The following ALDH18A1 variants were observed in gnomAD, a reference collection of about 807,000 sequenced individuals.
ALDH18A1 encodes the protein aldehyde dehydrogenase 18 family member A1.
Under a neutral mutation model 88.8 loss-of-function variants are expected in ALDH18A1, and 44 were observed. That is an observed-to-expected ratio of 0.50 (90% CI 0.39 to 0.64). The LOEUF is 0.64. Among genes scored for constraint, ALDH18A1 ranks in the 30% least tolerant of loss-of-function variants. The probability of loss-of-function intolerance (pLI) is 0.00; values close to 1 mark genes in which losing one functional copy is unlikely to be tolerated. For synonymous variants in ALDH18A1, 331 were observed against 372.1 expected (o/e 0.89, Z 1.27); for missense variants, 782 against 1,009.5 (o/e 0.77, Z 3.05).
At chr10:95,636,668 A>G (rs2097881280) in intron 5 of ALDH18A1, among the ~76,000 whole-genome samples, 1 of 152,236 alleles carries the variant, frequency 6.6e-6, no homozygotes, top group South Asian at 2.1e-4. Context: ...CTTAATAAAT[A>G]TCTGCTATAA....
At chr10:95,608,520 T>C (rs1218409880) in intron 17 of ALDH18A1, among the ~76,000 whole-genome samples, 1 of 152,250 alleles carries the variant, frequency 6.6e-6, no homozygotes, top group African/African-American at 2.4e-5. Context: ...TGTTTTGTTA[T>C]ACAGATAGGG....
chr10:95,613,787 C>A lies in ALDH18A1; in HGVS notation c.1878G>T (p.Arg626Ser). ...ETLLIHRDLL[R>S]TPLFDQIIDM... ...CAATGATCTGGTCAAATAATGGTGT[C>A]CTGAGCAGATCCCGGTGGATTAACA... Residue 626 changes from arginine to serine, a missense_variant, in exon 15 of 18, where the codon AGG becomes AGT. By Grantham distance (110) the Arg-to-Ser change is moderately radical. Around this residue, in one of 3 missense-constraint regions of ALDH18A1, gnomAD observed 556 missense variants for 654.5 expected, o/e 0.85. Coordinates refer to ENST00000371224, the MANE Select transcript of ALDH18A1 (RefSeq NM_002860.4). The A allele has an allele frequency of 6.2e-7, 1 of 1,614,098 alleles. No individual in the cohort carries two copies.
chr10:95,632,514 C>T (rs761456950), intron 7 of ALDH18A1, among the ~76,000 whole-genome samples: 36 of 152,160 alleles, frequency 2.4e-4, no homozygotes, highest in Non-Finnish European at 3.7e-4. Context: ...CAGGCGCATA[C>T]CACCATGTCC....
intron 2 of ALDH18A1, among the ~76,000 whole-genome samples, chr10:95,652,352 CT>C (rs1243394558): frequency 6.6e-6 from 1 of 152,156 alleles, no homozygotes. Context: ...TATAAGGGAC[CT>C]TTTTGTACTA....
intron 2 of ALDH18A1, among the ~76,000 whole-genome samples, chr10:95,647,329 C>T (rs1233586643): frequency 2.6e-5 from 4 of 152,154 alleles, no homozygotes; most frequent in Admixed American, 2.6e-4. Context: ...AAATTTCAAC[C>T]CCTTCACTTA....
chr10:95,623,457 G>T (rs564721592), intron 11 of ALDH18A1, among the ~76,000 whole-genome samples: 1 of 152,016 alleles, frequency 6.6e-6, no homozygotes, highest in African/African-American at 2.4e-5. Context: ...GCTCAGGCTG[G>T]AGTGCAGTAG....
intron 2 of ALDH18A1, among the ~76,000 whole-genome samples, chr10:95,645,307 A>C (rs769693065): frequency 2.0e-5 from 3 of 152,240 alleles, no homozygotes; most frequent in Non-Finnish European, 4.4e-5. Flanking sequence ...TAAAATTATC[A>C]TTCCAAGCCA....
At chr10:95,626,260 T>C (rs748179177) in intron 10 of ALDH18A1, among the ~76,000 whole-genome samples, 9 of 152,114 alleles carry the variant, frequency 5.9e-5, no homozygotes, top group African/African-American at 1.9e-4. Flanking sequence ...TCCTCACCAC[T>C]TCCAGCCTCA....
intron 12 of ALDH18A1, 117 bp from the exon 13 acceptor site, chr10:95,616,731 C>T (rs919064565): frequency 4.5e-6 from 6 of 1,344,786 alleles, no homozygotes; most frequent in Non-Finnish European, 6.2e-6. Context: ...TTTTAGAAGG[C>T]CTATGCTGTT....
At chr10:95,608,790 T>C (rs181224782) in intron 17 of ALDH18A1, among the ~76,000 whole-genome samples, 199 of 152,386 alleles carry the variant, frequency 1.3e-3, no homozygotes, top group Non-Finnish European at 1.8e-3. Flanking sequence ...TGTGAGCCAC[T>C]GCCCGTGGCC....
chr10:95,607,767 T>C (rs1343630499), intron 17 of ALDH18A1, among the ~76,000 whole-genome samples: 27 of 151,912 alleles, frequency 1.8e-4, no homozygotes, highest in Admixed American at 1.8e-3. Flanking sequence ...GGTAGGATGG[T>C]CAGGGAAAGC....
intron 3 of ALDH18A1, among the ~76,000 whole-genome samples, chr10:95,641,475 T>C (rs1017891440): frequency 6.7e-6 from 1 of 149,176 alleles, no homozygotes; most frequent in African/African-American, 2.5e-5. Context: ...GGTTTGATCA[T>C]TGCTGTTGTT....
intron 7 of ALDH18A1, among the ~76,000 whole-genome samples, chr10:95,631,098 A>G (rs1006974049): frequency 6.6e-6 from 1 of 152,210 alleles, no homozygotes; most frequent in Non-Finnish European, 1.5e-5. Flanking sequence ...TTGGAATCCT[A>G]GATTTTGGAC....
intron 8 of ALDH18A1, 151 bp from the exon 9 acceptor site, chr10:95,627,737 A>C (rs144246142): frequency 9.9e-7 from 1 of 1,012,168 alleles, no homozygotes; most frequent in East Asian, 2.6e-5. Context: ...CTGAAAACAC[A>C]TAACAGTTCA....
At position 95,606,313 on chromosome 10, in the gene ALDH18A1, T is replaced by G; in HGVS notation, c.*449A>C. 1.0e-6 allele frequency: 1 copy of G among 1,001,594 alleles called. No homozygotes were observed. Among genetic ancestry groups the G allele is most frequent in the Non-Finnish European group, 1.2e-6 (1 of 838,988 alleles). 62.0% of individuals were successfully genotyped at this position (1,001,594 alleles called of 1,614,324 possible). A position where few individuals can be genotyped will look rare whatever the true frequency, so the allele number is the denominator to read the frequency against. ...ATGCTAAAAAGAAGAGTTGCCCCTT[T>G]TCTAAAATTCCAAATCTTTCCTTTT... On this transcript the variant is annotated 3_prime_UTR_variant, in exon 18 of 18. Coordinates refer to ENST00000371224, the MANE Select transcript of ALDH18A1 (RefSeq NM_002860.4).
intron 7 of ALDH18A1, chr10:95,628,785 C>T (rs1175778686): frequency 2.5e-6 from 1 of 400,936 alleles, no homozygotes; most frequent in African/African-American, 2.0e-5. Flanking sequence ...ATATTCCTGG[C>T]AAGGTGTCCT....
In ALDH18A1 at chr10:95,626,607, T is replaced by C. The variant is rs1051006721; in HGVS notation, c.1152+96A>G. 4 of 1,167,400 alleles carry C rather than the reference T, an allele frequency of 3.4e-6. No homozygotes were observed. In the African/African-American group the frequency reaches 4.6e-5, roughly 13 times the overall value. 72.3% of individuals were successfully genotyped at this position (1,167,400 alleles called of 1,614,324 possible). ...TAACTCAGATAACTCTGTGGCTCACTAGGAATAAAGATGGAGTCAGCAGGT... is the reference window on the plus strand; with the variant it reads ...TAACTCAGATAACTCTGTGGCTCACCAGGAATAAAGATGGAGTCAGCAGGT... On this transcript the variant is annotated intron_variant, in intron 10 of 17. Transcript: ENST00000371224.
At chr10:95,623,844 C>T (rs2097856696) in intron 11 of ALDH18A1, among the ~76,000 whole-genome samples, 2 of 152,136 alleles carry the variant, frequency 1.3e-5, no homozygotes, top group Admixed American at 6.5e-5. Flanking sequence ...GGATTACAGG[C>T]GTGAGCCACT....
chr10:95,611,556 C>T, intron 15 of ALDH18A1, 114 bp from the exon 16 acceptor site: 7 of 1,219,802 alleles, frequency 5.7e-6, no homozygotes, highest in Non-Finnish European at 8.5e-6. Flanking sequence ...GCTCCTGTAG[C>T]CTCAACAACT....
Sources: gnomAD v4.1 joint callset for allele counts (sites outside exome capture counted in the v4.1 genomes callset) on GRCh38, gnomAD v4.1.1 for gene constraint, gnomAD v4.1.1 regional missense constraint, MANE v1.5 for transcripts, NCBI Gene and HGNC (gene_info 2026-07-23, HGNC 2026-07-21) for gene names.